FBXL7: variants seen among roughly 807,000 people sequenced by gnomAD.
The protein encoded by FBXL7 is F-box and leucine rich repeat protein 7.
FBXL7 carries 12 observed loss-of-function variants against 38.3 expected under a neutral mutation model. That is an observed-to-expected ratio of 0.31 (90% CI 0.20 to 0.51). FBXL7 has a LOEUF of 0.51. FBXL7 is among the 20% of genes least tolerant of loss of function. FBXL7 has a pLI of 0.98. For missense variants in FBXL7, 567 were observed against 676.4 expected, an observed-to-expected ratio of 0.84 and a Z score of 1.79; for synonymous variants, 297 against 300.9, an observed-to-expected ratio of 0.99 and a Z score of 0.13.
intron 1 of FBXL7, among the ~76,000 whole-genome samples, chr5:15,512,527 C>A (rs145483029): frequency 6.6e-6 from 1 of 152,246 alleles, no homozygotes; most frequent in African/African-American, 2.4e-5. Context: ...TTTCTGGGAA[C>A]CTTTCTTAAA....
At chr5:15,907,685 G>T (rs1741388881) in intron 2 of FBXL7, among the ~76,000 whole-genome samples, 1 of 54,890 alleles carries the variant, frequency 1.8e-5, no homozygotes, top group Non-Finnish European at 3.1e-5. Flanking sequence ...ATCTTGAATT[G>T]ATTTTTGTAT....
intron 2 of FBXL7, among the ~76,000 whole-genome samples, chr5:15,914,573 AGTGT>A (rs1741532627): frequency 6.6e-6 from 1 of 152,176 alleles, no homozygotes; most frequent in East Asian, 1.9e-4. Flanking sequence ...TATTAAACTA[AGTGT>A]ATGTACTAGC....
chr5:15,610,411 G>T (rs1740193270), intron 1 of FBXL7, among the ~76,000 whole-genome samples: 1 of 152,178 alleles, frequency 6.6e-6, no homozygotes, highest in Non-Finnish European at 1.5e-5. Flanking sequence ...TACAACTCCA[G>T]GGTCTAATCT....
At chr5:15,799,551 G>A (rs534769699) in intron 2 of FBXL7, among the ~76,000 whole-genome samples, 6 of 152,002 alleles carry the variant, frequency 3.9e-5, no homozygotes, top group South Asian at 4.2e-4. Context: ...TAGTAGAGAC[G>A]GGGTTTGTCC....
rs541637652 is a variant in FBXL7 at position 15,695,667 on chromosome 5, G to A, written c.127+79595G>A. On this transcript the variant is annotated intron_variant, in intron 2 of 3. Transcript: ENST00000504595. Reference sequence around the variant, plus strand: ...AGTCACCATGCAGAGGACTTTATACGGATTATCTCTGTATCTTCCAACAAA... The same window carrying A: ...AGTCACCATGCAGAGGACTTTATACAGATTATCTCTGTATCTTCCAACAAA... Among the ~76,000 whole-genome samples, 15 of 152,180 alleles carry A rather than the reference G, an allele frequency of 9.9e-5. No individual in the cohort carries two copies. The South Asian group carries it at 3.1e-3, about 31-fold the overall frequency.
In FBXL7 at chr5:15,630,262, A is replaced by C. The variant is rs115860652; in HGVS notation, c.127+14190A>C. Among the ~76,000 whole-genome samples the C allele has an allele frequency of 1.8e-3, 270 of 152,310 alleles. 1 individual carries two copies. Among genetic ancestry groups the C allele is most frequent in the African/African-American group, 5.9e-3 (246 of 41,582 alleles). On this transcript the variant is annotated intron_variant, in intron 2 of 3. Coordinates refer to ENST00000504595, the MANE Select transcript of FBXL7 (RefSeq NM_012304.5). ...CCCACATCAATTTCAAGGACAAAAG[A>C]AAAATGTTATTCCTTCCTCAGCAAT...
intron 2 of FBXL7, among the ~76,000 whole-genome samples, chr5:15,761,110 A>G (rs991580292): frequency 2.6e-5 from 4 of 152,206 alleles, no homozygotes; most frequent in Non-Finnish European, 2.9e-5. Context: ...CAGGTACAAC[A>G]TATGTGCCTG....
chr5:15,808,130 T>A (rs1737764664), intron 2 of FBXL7, among the ~76,000 whole-genome samples: 1 of 104,792 alleles, frequency 9.5e-6, no homozygotes. Context: ...CCTGGCTAAT[T>A]TATGATTTTT....
At chr5:15,653,875 C>A (rs1446723492) in intron 2 of FBXL7, among the ~76,000 whole-genome samples, 1 of 152,192 alleles carries the variant, frequency 6.6e-6, no homozygotes, top group Non-Finnish European at 1.5e-5. Flanking sequence ...AAGACATGCA[C>A]CTTCAGTTTT....
chr5:15,806,754 G>A (rs1332562744), intron 2 of FBXL7, among the ~76,000 whole-genome samples: 2 of 152,116 alleles, frequency 1.3e-5, no homozygotes, highest in Non-Finnish European at 2.9e-5. Flanking sequence ...GGAGACAGGG[G>A]GCCCACGTAT....
chr5:15,707,174 G>GTTTTT (rs71603796), intron 2 of FBXL7, among the ~76,000 whole-genome samples: 49 of 70,396 alleles, frequency 7.0e-4, no homozygotes, highest in East Asian at 1.5e-3. Flanking sequence ...TTTTCTTTTC[G>GTTTTT]TTTTTTTTTT....
chr5:15,812,443 C>T (rs912887891), intron 2 of FBXL7, among the ~76,000 whole-genome samples: 24 of 152,206 alleles, frequency 1.6e-4, no homozygotes, highest in African/African-American at 5.5e-4. Context: ...CACCGTGGCA[C>T]ATGTATACCT....
At chr5:15,800,132 G>C (rs2036566) in intron 2 of FBXL7, among the ~76,000 whole-genome samples, 48,920 of 151,968 alleles carry the variant, frequency 0.32, 8,371 homozygotes, top group Admixed American at 0.45. Flanking sequence ...ATGAAACAGA[G>C]ACTATGTCAG....
At chr5:15,792,531 C>T (rs932678502) in intron 2 of FBXL7, among the ~76,000 whole-genome samples, 9 of 152,222 alleles carry the variant, frequency 5.9e-5, no homozygotes, top group East Asian at 1.9e-4. Context: ...TTTCATTCCC[C>T]GGGATTTAAA....
At chr5:15,561,423 C>T (rs190304900) in intron 1 of FBXL7, among the ~76,000 whole-genome samples, 16 of 152,070 alleles carry the variant, frequency 1.1e-4, no homozygotes, top group Non-Finnish European at 1.3e-4. Flanking sequence ...AATCGTATTC[C>T]GTTGTATAAA....
At chr5:15,683,667 C>T (rs1360900821) in intron 2 of FBXL7, among the ~76,000 whole-genome samples, 1 of 152,178 alleles carries the variant, frequency 6.6e-6, no homozygotes. Context: ...CTCCCCACCC[C>T]TCTACTCCTG....
chr5:15,780,376 T>C (rs922333536), intron 2 of FBXL7, among the ~76,000 whole-genome samples: 1 of 152,186 alleles, frequency 6.6e-6, no homozygotes, highest in Admixed American at 6.5e-5. Flanking sequence ...TTTTTTACTT[T>C]GCAAGCTGAT....
At chr5:15,738,327 A>G (rs1396049435) in intron 2 of FBXL7, among the ~76,000 whole-genome samples, 1 of 152,232 alleles carries the variant, frequency 6.6e-6, no homozygotes, top group Non-Finnish European at 1.5e-5. Context: ...AGTGCTATCC[A>G]AATATTTGTA....
At chr5:15,809,188 T>A (rs1310051504) in intron 2 of FBXL7, among the ~76,000 whole-genome samples, 2 of 152,216 alleles carry the variant, frequency 1.3e-5, no homozygotes, top group African/African-American at 4.8e-5. Flanking sequence ...TCAAGCAGGA[T>A]GGTGTGTGCC....
Sources: gnomAD v4.1 joint callset for allele counts (sites outside exome capture counted in the v4.1 genomes callset) on GRCh38, gnomAD v4.1.1 for gene constraint, MANE v1.5 for transcripts, NCBI Gene and HGNC (gene_info 2026-07-23, HGNC 2026-07-21) for gene names.